Variants in GLT6D1 observed in about 807,000 individuals in gnomAD.
GLT6D1 encodes the protein glycosyltransferase 6 domain containing 1, also known as putative glycosyltransferase 6 domain-containing protein 1.
A neutral mutation model predicts 12.3 loss-of-function variants in GLT6D1; 9 were observed. That is an observed-to-expected ratio of 0.73 (90% confidence interval 0.44 to 1.27). The LOEUF (loss-of-function observed/expected upper bound fraction) is 1.27. Ranked by LOEUF, GLT6D1 falls within the 50% of genes most tolerant of loss-of-function variation. The pLI, the probability that GLT6D1 is intolerant of heterozygous loss-of-function variation, is 0.00. For synonymous variants in GLT6D1, 128 were observed against 132.3 expected (o/e 0.97, Z 0.23); for missense variants, 335 against 346.2 (o/e 0.97, Z 0.26).
chr9:135,639,842 C>CTTTT (rs5901082), upstream of GLT6D1, among the ~76,000 whole-genome samples: 1 of 126,814 alleles, frequency 7.9e-6, no homozygotes, highest in Non-Finnish European at 1.7e-5. Context: ...CTGATTTTCA[C>CTTTT]TTTTTTTTTT....
chr9:135,627,653 T>C (rs1302508687), intron 3 of GLT6D1, among the ~76,000 whole-genome samples: 1 of 152,210 alleles, frequency 6.6e-6, no homozygotes, highest in African/African-American at 2.4e-5. Context: ...TGTGTGAAGA[T>C]AGGTTTTTAA....
At position 135,630,160 on chromosome 9, in the gene GLT6D1, C is replaced by A. The variant is rs1421387359; in HGVS notation, c.119+1271G>T. Among the ~76,000 whole-genome samples the A allele has an allele frequency of 2.0e-5, 3 of 151,442 alleles. No individual in the cohort carries two copies. The South Asian group carries it at 6.2e-4, about 32-fold the overall frequency. ...GTGGCTCACACCTGTAATCCCAGCA[C>A]TTTGGGAGGCTAAGGAGGGTGGATC... On this transcript the variant is annotated intron_variant, in intron 3 of 4. Transcript: ENST00000371763.
At chr9:135,629,797 GTATCT>G (rs1408024440) in intron 3 of GLT6D1, among the ~76,000 whole-genome samples, 8 of 152,208 alleles carry the variant, frequency 5.3e-5, no homozygotes, top group Admixed American at 2.0e-4. Flanking sequence ...TATATTTGAT[GTATCT>G]TATTGATGGA....
At chr9:135,637,561 G>T (rs544947070) in intron 2 of GLT6D1, among the ~76,000 whole-genome samples, 1 of 152,102 alleles carries the variant, frequency 6.6e-6, no homozygotes, top group African/African-American at 2.4e-5. Flanking sequence ...CTGGTTTTCA[G>T]ATTTTAGATT....
At position 135,624,180 on chromosome 9, in the gene GLT6D1, C is replaced by A. The variant is rs768096044; in HGVS notation, c.748G>T (p.Val250Phe). 6.2e-7 allele frequency: 1 copy of A among 1,612,990 alleles called. No homozygotes were observed. Among genetic ancestry groups the A allele is most frequent in the South Asian group, 1.1e-5 (1 of 90,720 alleles). The change falls in exon 5 of 5, where the codon GTT (valine) becomes TTT (phenylalanine). Residue 250 changes from valine (V) to phenylalanine (F), a missense_variant. By Grantham distance (50) the Val-to-Phe change is conservative. Coordinates refer to ENST00000371763, the MANE Select transcript of GLT6D1 (RefSeq NM_182974.3). ...LDFIKEYLNG[V>F]IHDIKNGLNS... ...AGTCCATTTTTGATGTCATGAATAA[C>A]TCCGTTCAGATATTCTTTGATGAAG...
intron 2 of GLT6D1, 55 bp from the exon 3 acceptor site, chr9:135,631,533 AGCCTGTG>A: frequency 7.6e-7 from 1 of 1,317,408 alleles, no homozygotes. Context: ...ATGTTTATTG[AGCCTGTG>A]ATAGGCAGGC....
chr9:135,640,440 G>C (rs976564158), upstream of GLT6D1, among the ~76,000 whole-genome samples: 5 of 151,988 alleles, frequency 3.3e-5, no homozygotes, highest in Non-Finnish European at 5.9e-5. Context: ...TGGCTCACAG[G>C]CTGGGCGTGG....
At chr9:135,630,605 A>G (rs1833620756) in intron 3 of GLT6D1, among the ~76,000 whole-genome samples, 1 of 151,982 alleles carries the variant, frequency 6.6e-6, no homozygotes, top group Non-Finnish European at 1.5e-5. Flanking sequence ...CTGTAATCCC[A>G]GCTACACGGG....
At chr9:135,626,802 C>A (rs532111599) in intron 3 of GLT6D1, among the ~76,000 whole-genome samples, 1 of 152,040 alleles carries the variant, frequency 6.6e-6, no homozygotes, top group Non-Finnish European at 1.5e-5. Flanking sequence ...GCGAGCCATC[C>A]GATTTGCCTT....
intron 3 of GLT6D1, among the ~76,000 whole-genome samples, chr9:135,629,828 T>A (rs1833597721): frequency 6.6e-6 from 1 of 152,228 alleles, no homozygotes; most frequent in African/African-American, 2.4e-5. Context: ...CCTTTTGTCA[T>A]TATAAAATGC....
chr9:135,628,654 A>G (rs1833571311), intron 3 of GLT6D1, among the ~76,000 whole-genome samples: 1 of 152,072 alleles, frequency 6.6e-6, no homozygotes, highest in Non-Finnish European at 1.5e-5. Flanking sequence ...TGAAAGATTG[A>G]TATTAATTCT....
chr9:135,637,971 G>A (rs929504909), intron 2 of GLT6D1, among the ~76,000 whole-genome samples: 1 of 152,184 alleles, frequency 6.6e-6, no homozygotes, highest in Non-Finnish European at 1.5e-5. Flanking sequence ...TAGAATTTGA[G>A]TTTTTCTAGA....
intron 3 of GLT6D1, among the ~76,000 whole-genome samples, chr9:135,628,381 A>G (rs1269671628): frequency 6.6e-6 from 1 of 152,104 alleles, no homozygotes; most frequent in Admixed American, 6.5e-5. Context: ...AGTGTATTAC[A>G]TTAATTGATT....
intron 2 of GLT6D1, among the ~76,000 whole-genome samples, chr9:135,632,179 C>A (rs1243756000): frequency 2.0e-5 from 3 of 149,846 alleles, no homozygotes; most frequent in Non-Finnish European, 4.4e-5. Context: ...GCTGCCCAGG[C>A]TGGAGTGCAG....
intron 3 of GLT6D1, among the ~76,000 whole-genome samples, chr9:135,627,368 A>T (rs575818030): frequency 9.2e-5 from 14 of 152,324 alleles, no homozygotes; most frequent in African/African-American, 3.1e-4. Flanking sequence ...TTTAAAACAC[A>T]TGCTATTTAC....
intron 3 of GLT6D1, among the ~76,000 whole-genome samples, chr9:135,627,489 G>A (rs1333238): frequency 0.97 from 147,524 of 152,332 alleles, 71,608 homozygotes; most frequent in South Asian, 1. Context: ...TTCTGTCTCT[G>A]TAGATTTGCC....
At chr9:135,627,454 C>A (rs1250375996) in intron 3 of GLT6D1, among the ~76,000 whole-genome samples, 3 of 152,206 alleles carry the variant, frequency 2.0e-5, no homozygotes, top group African/African-American at 7.2e-5. Flanking sequence ...CTTCTCCCTG[C>A]AATCCCTGCA....
In GLT6D1 at chr9:135,639,417, T is replaced by G; in HGVS notation, c.-131A>C. 1 of 413,818 alleles carries G rather than the reference T, an allele frequency of 2.4e-6. No homozygotes were observed. The highest frequency in any genetic ancestry group is 4.3e-6 in the Non-Finnish European group (1 of 230,418). The allele number at this position is 413,818 out of a possible 1,614,324, so 25.6% of individuals were successfully genotyped here. A position where few individuals can be genotyped will look rare whatever the true frequency, so the allele number is the denominator to read the frequency against. ...GTGGGTCAGCTGCACGTGCACTGTC[T>G]CTCCCCGTGTTCACATCAAAGTCTG... is the stretch of plus-strand genomic sequence containing the variant. On this transcript the variant is annotated 5_prime_UTR_variant, in exon 1 of 5. Coordinates refer to ENST00000371763, the MANE Select transcript of GLT6D1 (RefSeq NM_182974.3).
At chr9:135,632,137 ATT>A (rs10686489) in intron 2 of GLT6D1, among the ~76,000 whole-genome samples, 1 of 144,114 alleles carries the variant, frequency 6.9e-6, no homozygotes, top group African/African-American at 2.6e-5. Flanking sequence ...CCTGGGAGCA[ATT>A]TTTTTTTTTT....
Sources: allele counts gnomAD v4.1 joint callset (sites outside exome capture counted in the v4.1 genomes callset), GRCh38; gene constraint gnomAD v4.1.1; transcripts MANE v1.5; gene names NCBI Gene and HGNC (gene_info 2026-07-23, HGNC 2026-07-21).